AIFM2: variants seen among roughly 807,000 people sequenced by gnomAD.
AIFM2 encodes the protein ferroptosis suppressor protein 1.
In AIFM2, 38 loss-of-function variants were observed where a neutral mutation model predicts 35.7. The observed-to-expected ratio is 1.06, with a 90% CI of 0.82 to 1.39. AIFM2 has a LOEUF of 1.39. Ranked by LOEUF, AIFM2 falls within the 40% of genes most tolerant of loss-of-function variation. The pLI is 0.00. For missense variants in AIFM2, 476 were observed against 491.2 expected, an observed-to-expected ratio of 0.97 and a Z score of 0.29; for synonymous variants, 185 against 203.5, an observed-to-expected ratio of 0.91 and a Z score of 0.77.
At chr10:70,123,556 G>A (rs1380486156) in intron 2 of AIFM2, 36 bp from the exon 3 acceptor site, 1 of 1,572,348 alleles carries the variant, frequency 6.4e-7, no homozygotes. Context: ...ATAGGGCAGA[G>A]CCAGGCTGCC....
chr10:70,128,609 T>G (rs555616074), intron 1 of AIFM2, among the ~76,000 whole-genome samples: 17 of 152,344 alleles, frequency 1.1e-4, no homozygotes, highest in African/African-American at 4.1e-4. Context: ...GTGATCGGCC[T>G]GCCTCGACCT....
chr10:70,127,027 G>A (rs1179262464), intron 1 of AIFM2, among the ~76,000 whole-genome samples: 2 of 152,228 alleles, frequency 1.3e-5, no homozygotes, highest in African/African-American at 2.4e-5. Flanking sequence ...TGGGCCAGAA[G>A]GGAATGTCTC....
intron 1 of AIFM2, among the ~76,000 whole-genome samples, chr10:70,127,850 C>T (rs1458616588): frequency 2.0e-5 from 3 of 152,242 alleles, no homozygotes; most frequent in Admixed American, 6.5e-5. Context: ...CACTTTTCCT[C>T]TTCAGGCTGC....
rs1358285313 is a variant in AIFM2 at position 70,124,061 on chromosome 10, T to C, written c.24A>G (p.Glu8=). Residue 8 remains glutamate, a synonymous_variant, in exon 2 of 9, where the codon GAA becomes GAG. Transcript: ENST00000307864. The part of the protein sequence containing the change: MGSQVSV[E]SGALHVVIVG... ...CAATCACCACGTGCAGAGCTCCCGA[T>C]TCCACCGAGACCTGGGACCCCATCT... 1 of 1,559,678 alleles carries C rather than the reference T, an allele frequency of 6.4e-7. No homozygotes were observed. Among genetic ancestry groups the C allele is most frequent in the Admixed American group, 1.9e-5 (1 of 53,404 alleles).
At chr10:70,119,818 G>A (rs1413150890) in intron 5 of AIFM2, among the ~76,000 whole-genome samples, 2 of 152,220 alleles carry the variant, frequency 1.3e-5, no homozygotes, top group Non-Finnish European at 2.9e-5. Flanking sequence ...CTGTAAGGAC[G>A]TTTCTCACTC....
intron 3 of AIFM2, among the ~76,000 whole-genome samples, chr10:70,122,552 G>A (rs2072520831): frequency 6.6e-6 from 1 of 152,198 alleles, no homozygotes; most frequent in Non-Finnish European, 1.5e-5. Flanking sequence ...GCTCCATGAT[G>A]CACATGTGAG....
rs1021999389 is a variant in AIFM2 at position 70,123,481 on chromosome 10, A to G, written c.218T>C (p.Phe73Ser). The G allele has an allele frequency of 6.2e-7, 1 of 1,614,042 alleles. No individual in the cohort carries two copies. The highest frequency in any genetic ancestry group is 1.3e-5 in the African/African-American group (1 of 74,924). ...KKTFISYSVT[F>S]KDNFRQGLVV... is the part of the protein sequence containing the mutation. ...TAGCCCCTGCCGGAAGTTGTCCTTG[A>G]AAGTCACCGAGTAAGAAATGAATGT... is the stretch of plus-strand genomic sequence containing the variant. Residue 73 changes from phenylalanine to serine, a missense_variant, in exon 3 of 9, where the codon TTC (phenylalanine) becomes TCC (serine). Physicochemically the swap from Phe to Ser is radical, Grantham distance 155. Coordinates refer to ENST00000307864, the MANE Select transcript of AIFM2 (RefSeq NM_032797.6).
chr10:70,118,659 C>G (rs1045594581), intron 5 of AIFM2, among the ~76,000 whole-genome samples: 1 of 152,136 alleles, frequency 6.6e-6, no homozygotes, highest in Admixed American at 6.5e-5. Flanking sequence ...CTGGTCTGAC[C>G]CCTGTGAAAT....
At chr10:70,129,809 C>T (rs2136669193) in intron 1 of AIFM2, among the ~76,000 whole-genome samples, 1 of 152,006 alleles carries the variant, frequency 6.6e-6, no homozygotes, top group African/African-American at 2.4e-5. Context: ...TTCACATATA[C>T]AATTTACCAC....
Position 70,114,119 on chromosome 10 carries a change from A to G in AIFM2, c.*59T>C. 1 of 1,552,008 alleles carries G rather than the reference A, an allele frequency of 6.4e-7. No individual in the cohort carries two copies. The highest frequency in any genetic ancestry group is 1.4e-5 in the African/African-American group (1 of 72,522). ...TTCTAGCACTTGCCAGGCGGGTGCC[A>G]TGCGCCAAGCAGTCCGTACGCCCAC... On this transcript the variant is annotated 3_prime_UTR_variant, in exon 9 of 9. Transcript: ENST00000307864.
chr10:70,121,884 G>C (rs1019583137), intron 3 of AIFM2, among the ~76,000 whole-genome samples: 4 of 151,942 alleles, frequency 2.6e-5, no homozygotes, highest in African/African-American at 9.6e-5. Context: ...CTGAGGTCAG[G>C]AGTTTGAAAC....
chr10:70,118,596 C>T lies in AIFM2; in HGVS notation c.508-676G>A, dbSNP rs2072464069. 2.0e-5 allele frequency among the ~76,000 whole-genome samples: 3 copies of T among 152,166 alleles called. No homozygotes were observed. In the South Asian group the frequency reaches 6.2e-4, roughly 32 times the overall value. ...GCTACTACCCTTACTGTCTACAAAT[C>T]CTAAACATGTGGATATTTTACTGAG... On this transcript the variant is annotated intron_variant, in intron 5 of 8. Coordinates refer to ENST00000307864, the MANE Select transcript of AIFM2 (RefSeq NM_032797.6).
intron 6 of AIFM2, 70 bp from the exon 7 acceptor site, chr10:70,116,844 G>T: frequency 6.3e-7 from 1 of 1,587,210 alleles, no homozygotes; most frequent in South Asian, 1.1e-5. Context: ...CCCAGGCCAA[G>T]GCTAACCCTG....
intron 1 of AIFM2, among the ~76,000 whole-genome samples, chr10:70,125,437 C>CAAAAAAAAAAA (rs199638586): frequency 1.8e-4 from 12 of 67,960 alleles, no homozygotes; most frequent in Non-Finnish European, 2.9e-4. Flanking sequence ...TCTGTCTCTA[C>CAAAAAAAAAAA]AAAAAAAAAA....
chr10:70,124,478 G>C (rs1402019640), intron 1 of AIFM2, among the ~76,000 whole-genome samples: 1 of 152,172 alleles, frequency 6.6e-6, no homozygotes, highest in Admixed American at 6.5e-5. Context: ...GATTGCAGTG[G>C]GGCAGGAGGA....
intron 1 of AIFM2, among the ~76,000 whole-genome samples, chr10:70,125,929 G>A (rs2072561010): frequency 6.6e-6 from 1 of 152,190 alleles, no homozygotes; most frequent in Non-Finnish European, 1.5e-5. Flanking sequence ...ACAGCCTTGG[G>A]CCCTACAGCA....
At chr10:70,118,992 A>AG (rs1294234166) in intron 5 of AIFM2, among the ~76,000 whole-genome samples, 4 of 152,112 alleles carry the variant, frequency 2.6e-5, no homozygotes, top group African/African-American at 7.2e-5. Context: ...CAGTGACGAG[A>AG]GGGGGCTGGA....
At position 70,131,237 on chromosome 10, in the gene AIFM2, G is replaced by A. The variant is rs1351063917; in HGVS notation, c.-14+1497C>T. Among the ~76,000 whole-genome samples, 6 of 152,150 alleles carry A rather than the reference G, an allele frequency of 3.9e-5. No homozygotes were observed. ...TTGAGTCGTCATGGCTCACACAAAG[G>A]GTAGGTTTCAACATCAGCCTCTGGA... On this transcript the variant is annotated intron_variant, in intron 1 of 8. Coordinates refer to ENST00000307864, the MANE Select transcript of AIFM2 (RefSeq NM_032797.6). This position sits in a 1 kb window ranked among gnomAD's most constrained non-coding sequence, Gnocchi z 4.1.
intron 1 of AIFM2, among the ~76,000 whole-genome samples, chr10:70,130,339 G>C (rs1198730128): frequency 6.6e-6 from 1 of 152,044 alleles, no homozygotes; most frequent in Non-Finnish European, 1.5e-5. Context: ...CCTAGCCCTG[G>C]GTAGCTACTA....
Sources: gnomAD v4.1 joint callset for allele counts (sites outside exome capture counted in the v4.1 genomes callset) on GRCh38, gnomAD v4.1.1 for gene constraint, Gnocchi (gnomAD v3.1) non-coding constraint, MANE v1.5 for transcripts, NCBI Gene and HGNC (gene_info 2026-07-23, HGNC 2026-07-21) for gene names.